PYY: variants seen among roughly 807,000 people sequenced by gnomAD.
PYY encodes peptide tyrosine tyrosine.
PYY carries 12 observed loss-of-function variants against 10.3 expected under a neutral mutation model. The ratio of observed to expected loss-of-function variants is 1.17; its 90% CI spans 0.75 to 1.89. PYY has a LOEUF of 1.89. Ranked by LOEUF, PYY falls within the 40% of genes most tolerant of loss-of-function variation. The probability of loss-of-function intolerance (pLI) is 0.00; values close to 1 mark genes in which losing one functional copy is unlikely to be tolerated. For missense variants in PYY, 141 were observed against 134.0 expected, an observed-to-expected ratio of 1.05 and a Z score of -0.26; for synonymous variants, 66 against 62.0, an observed-to-expected ratio of 1.06 and a Z score of -0.30.
intron 2 of PYY, among the ~76,000 whole-genome samples, chr17:43,961,680 A>G (rs1324789556): frequency 6.6e-6 from 1 of 152,140 alleles, no homozygotes; most frequent in African/African-American, 2.4e-5. Flanking sequence ...AGCTGGGATT[A>G]CAGGAGTGCG....
chr17:43,958,850 A>G (rs993050510), upstream of PYY, among the ~76,000 whole-genome samples: 2 of 152,236 alleles, frequency 1.3e-5, no homozygotes, highest in Admixed American at 6.5e-5. Flanking sequence ...TTGTAATCAT[A>G]TAATTGAATT....
At position 43,976,234 on chromosome 17, in the gene PYY, T is replaced by TAC. The variant is rs1326373406; in HGVS notation, c.-462-9703_-462-9702insGT. ...ACGTATATGTATACATATATACATATGCGTATATATACACATATGTATACA... is the reference window on the plus strand; with the variant it reads ...ACGTATATGTATACATATATACATATACGCGTATATATACACATATGTATACA... On this transcript the variant is annotated intron_variant, in intron 1 of 6. Coordinates refer to the PYY transcript ENST00000360085. 2.8e-4 allele frequency among the ~76,000 whole-genome samples: 40 copies of TAC among 144,270 alleles called. 3 individuals are homozygous for TAC. Among genetic ancestry groups the TAC allele is most frequent in the Middle Eastern group, 3.8e-3 (1 of 262 alleles). The allele number at this position is 144,270 out of a possible 152,430, so 94.6% of individuals were successfully genotyped here.
At chr17:43,955,582 C>G (rs231462), upstream of PYY, among the ~76,000 whole-genome samples, 21,092 of 152,036 alleles carry the variant, frequency 0.14, 2,465 homozygotes, top group East Asian at 0.67. Flanking sequence ...AGATCCTGCC[C>G]TTGGAGGGAG....
At chr17:44,000,279 A>G (rs2049017247) in intron 1 of PYY, among the ~76,000 whole-genome samples, 1 of 152,128 alleles carries the variant, frequency 6.6e-6, no homozygotes, top group Admixed American at 6.6e-5. Flanking sequence ...CACAGGATAG[A>G]TGGAAGGTGG....
chr17:43,960,781 C>T (rs1192409684), intron 2 of PYY, among the ~76,000 whole-genome samples: 3 of 144,978 alleles, frequency 2.1e-5, no homozygotes, highest in East Asian at 2.1e-4. Flanking sequence ...ACCCAGGAGG[C>T]GGGGATTGCA....
At chr17:43,963,576 AAG>A (rs1567927866) in intron 2 of PYY, among the ~76,000 whole-genome samples, 1 of 70,298 alleles carries the variant, frequency 1.4e-5, no homozygotes, top group African/African-American at 4.9e-5. Context: ...AAGGAAAAGA[AAG>A]AAAGAAAGAA....
intron 1 of PYY, among the ~76,000 whole-genome samples, chr17:43,972,554 A>G (rs2048802242): frequency 6.7e-6 from 1 of 148,352 alleles, no homozygotes; most frequent in Admixed American, 6.8e-5. Flanking sequence ...TTTTTTTGAG[A>G]CAGGATCTCA....
In PYY at chr17:43,964,799, G is replaced by A. The variant is rs114272263; in HGVS notation, c.-218+1489C>T. ...GTCTGGGCAACAAGAGTGAAAGTCC[G>A]TCTCAAAAGAAAAAAAAAATCAACT... is the stretch of plus-strand genomic sequence containing the variant. On this transcript the variant is annotated intron_variant, in intron 2 of 6. Coordinates refer to the PYY transcript ENST00000360085. 4.6e-5 allele frequency among the ~76,000 whole-genome samples: 7 copies of A among 152,090 alleles called. No homozygotes were observed. The East Asian group carries it at 5.8e-4, about 13-fold the overall frequency.
chr17:43,963,957 C>T (rs1235198124), intron 2 of PYY, among the ~76,000 whole-genome samples: 1 of 152,224 alleles, frequency 6.6e-6, no homozygotes, highest in South Asian at 2.1e-4. Flanking sequence ...CTGCAGTGAG[C>T]TGTGAACGTG....
At chr17:43,965,900 T>C (rs1170834211) in intron 2 of PYY, among the ~76,000 whole-genome samples, 4 of 151,924 alleles carry the variant, frequency 2.6e-5, no homozygotes, top group South Asian at 4.2e-4. Flanking sequence ...GCATTTCCTG[T>C]TTCTGCCTAT....
intron 1 of PYY, among the ~76,000 whole-genome samples, chr17:43,994,631 C>T (rs892248852): frequency 1.3e-5 from 2 of 152,122 alleles, no homozygotes; most frequent in African/African-American, 2.4e-5. Flanking sequence ...GTGTCCCGCC[C>T]GAGGATGCCT....
intron 2 of PYY, among the ~76,000 whole-genome samples, chr17:43,963,590 G>GAAAGAAAGAAAGAA (rs2048730608): frequency 7.7e-5 from 5 of 64,706 alleles, no homozygotes; most frequent in African/African-American, 2.5e-4. Flanking sequence ...AAGAAAGAAA[G>GAAAGAAAGAAAGAA]AAAGAAAGAA....
chr17:43,991,826 G>GA (rs776915338), intron 1 of PYY, among the ~76,000 whole-genome samples: 13,413 of 132,396 alleles, frequency 0.1, 950 homozygotes, highest in African/African-American at 0.21. Context: ...TGTCTCAAAA[G>GA]AAAAAAAAAA....
chr17:43,958,570 G>A (rs560450028), upstream of PYY, among the ~76,000 whole-genome samples: 1 of 152,246 alleles, frequency 6.6e-6, no homozygotes, highest in Admixed American at 6.5e-5. Flanking sequence ...AGTAGAGATG[G>A]GGTTTCACCA....
intron 1 of PYY, among the ~76,000 whole-genome samples, chr17:43,977,705 G>A (rs2048857950): frequency 6.6e-6 from 1 of 152,220 alleles, no homozygotes; most frequent in South Asian, 2.1e-4. Flanking sequence ...CACTGCCACA[G>A]GGGTCTTCCC....
chr17:43,952,962 C>G lies in PYY; in HGVS notation c.288G>C (p.Leu96=). Residue 96 remains leucine (L), a synonymous_variant, in exon 4 of 4, where the codon CTG becomes CTC. Coordinates refer to ENST00000692052, the MANE Select transcript of PYY (RefSeq NM_001394028.1). The part of the protein sequence containing the change: ...PVRSRSEGPD[L]W ...CAGGAGGCCTCAGGGGTCCTCACCACAGGTCTGGGCCCTCCGACCTGCGGA... is the reference window on the plus strand; with the variant it reads ...CAGGAGGCCTCAGGGGTCCTCACCAGAGGTCTGGGCCCTCCGACCTGCGGA... The G allele has an allele frequency of 6.4e-7, 1 of 1,552,078 alleles. No individual in the cohort carries two copies. Among genetic ancestry groups the G allele is most frequent in the Non-Finnish European group, 8.7e-7 (1 of 1,150,518 alleles).
chr17:43,963,546 A>G, intron 2 of PYY, among the ~76,000 whole-genome samples: 1 of 142,648 alleles, frequency 7.0e-6, no homozygotes, highest in South Asian at 2.3e-4. Context: ...AAGAGAAGGA[A>G]GGGAAGGAAG....
intron 2 of PYY, among the ~76,000 whole-genome samples, chr17:43,963,570 A>AAAAAG (rs1404696451): frequency 9.6e-4 from 100 of 104,676 alleles, no homozygotes; most frequent in Middle Eastern, 4.1e-3. Flanking sequence ...GGAAGGAAGG[A>AAAAAG]AAAGAAAGAA....
intron 1 of PYY, among the ~76,000 whole-genome samples, chr17:43,982,119 C>A (rs1030809018): frequency 2.0e-5 from 3 of 152,172 alleles, no homozygotes; most frequent in African/African-American, 7.2e-5. Context: ...CAGGGGAGCT[C>A]TCCAGAGCCC....
Sources: gnomAD v4.1 joint callset for allele counts (sites outside exome capture counted in the v4.1 genomes callset) on GRCh38, gnomAD v4.1.1 for gene constraint, MANE v1.5 for transcripts, NCBI Gene and HGNC (gene_info 2026-07-23, HGNC 2026-07-21) for gene names.